SLC25A13: variants seen among roughly 807,000 people sequenced by gnomAD.
SLC25A13 encodes solute carrier family 25 member 13, also known as electrogenic aspartate/glutamate antiporter SLC25A13, mitochondrial.
In SLC25A13, 70 loss-of-function variants were observed where a neutral mutation model predicts 85.5. That is an observed-to-expected ratio of 0.82 (90% CI 0.68 to 1.00). The LOEUF (loss-of-function observed/expected upper bound fraction) is 1.00. Among genes scored for constraint, SLC25A13 ranks in the 50% least tolerant of loss-of-function variants. SLC25A13 has a pLI of 0.00. For missense variants in SLC25A13, 765 were observed against 819.8 expected (o/e 0.93, Z 0.82); for synonymous variants, 259 against 288.7 (o/e 0.90, Z 1.04).
chr7:96,221,985 G>A (rs2116764810), intron 4 of SLC25A13, among the ~76,000 whole-genome samples: 1 of 152,294 alleles, frequency 6.6e-6, no homozygotes, highest in South Asian at 2.1e-4. Context: ...TGTTTAGTGG[G>A]AGAGACACAA....
chr7:96,244,302 G>T (rs1444021417), intron 3 of SLC25A13, among the ~76,000 whole-genome samples: 1 of 152,192 alleles, frequency 6.6e-6, no homozygotes, highest in Non-Finnish European at 1.5e-5. Context: ...CAGTTAGGCA[G>T]ATGAAGAGGA....
At chr7:96,299,329 TCAAAA>T (rs1366979538) in intron 1 of SLC25A13, among the ~76,000 whole-genome samples, 2 of 152,122 alleles carry the variant, frequency 1.3e-5, no homozygotes, top group African/African-American at 4.8e-5. Context: ...AGAACACAAA[TCAAAA>T]CAAAGACAGA....
chr7:96,248,687 A>C (rs1039118087), intron 3 of SLC25A13, among the ~76,000 whole-genome samples: 1 of 152,170 alleles, frequency 6.6e-6, no homozygotes, highest in East Asian at 1.9e-4. Flanking sequence ...AGCAGGAAAA[A>C]AATTATTTGG....
At chr7:96,190,996 G>A (rs1439333465) in intron 7 of SLC25A13, 113 bp downstream of exon 7, 10 of 1,239,968 alleles carry the variant, frequency 8.1e-6, no homozygotes, top group Non-Finnish European at 1.2e-5. Flanking sequence ...TTATCATATA[G>A]TTAATATGTG....
At chr7:96,181,566 C>A (rs1562821047) in intron 11 of SLC25A13, among the ~76,000 whole-genome samples, 1 of 152,162 alleles carries the variant, frequency 6.6e-6, no homozygotes, top group South Asian at 2.1e-4. Flanking sequence ...TACAAAAACA[C>A]CTTCTTTGAG....
At chr7:96,319,881 T>C (rs942810428) in intron 1 of SLC25A13, among the ~76,000 whole-genome samples, 5 of 152,198 alleles carry the variant, frequency 3.3e-5, no homozygotes, top group African/African-American at 1.2e-4. Context: ...GAACATTTCA[T>C]TTTCCCTGAC....
chr7:96,223,896 T>C (rs1380317623), intron 4 of SLC25A13, among the ~76,000 whole-genome samples: 1 of 151,464 alleles, frequency 6.6e-6, no homozygotes, highest in Non-Finnish European at 1.5e-5. Flanking sequence ...TAAGTAGGAA[T>C]AGGTAATGTC....
In SLC25A13 at chr7:96,140,403, T is replaced by G. The variant is rs1276528403; in HGVS notation, c.1452+6153A>C. ...TTCTACCACCAAGGATCTCCTTTTT[T>G]TTTTTTTTTTTTTTTTTTTGAGACG... On this transcript the variant is annotated intron_variant, in intron 14 of 17. Coordinates refer to ENST00000265631, the MANE Select transcript of SLC25A13 (RefSeq NM_014251.3). Among the ~76,000 whole-genome samples, 522 of 134,130 alleles carry G rather than the reference T, an allele frequency of 3.9e-3. 2 individuals carry two copies. Among genetic ancestry groups the G allele is most frequent in the African/African-American group, 0.014 (496 of 35,374 alleles). 88.0% of individuals were successfully genotyped at this position (134,130 alleles called of 152,430 possible).
intron 2 of SLC25A13, among the ~76,000 whole-genome samples, chr7:96,278,492 G>A (rs1196013829): frequency 6.6e-6 from 1 of 152,150 alleles, no homozygotes; most frequent in Non-Finnish European, 1.5e-5. Context: ...GGCATCCCAC[G>A]GGTCTGGACT....
chr7:96,190,976 A>G, intron 7 of SLC25A13, 133 bp downstream of exon 7: 1 of 1,151,570 alleles, frequency 8.7e-7, no homozygotes, highest in Non-Finnish European at 1.3e-6. Flanking sequence ...CAAAGGATGA[A>G]AAACACACGT....
rs184215380 is a variant in SLC25A13 at position 96,295,305 on chromosome 7, C to T, written c.69+1593G>A. The stretch of plus-strand genomic sequence containing the variant: ...TGGAGGTTGCAGTGAGCTGAGAAAG[C>T]GCCATTGCACTCCAGCCTGGGCAAC... On this transcript the variant is annotated intron_variant, in intron 2 of 17. Coordinates refer to ENST00000265631, the MANE Select transcript of SLC25A13 (RefSeq NM_014251.3). Among the ~76,000 whole-genome samples, 37 of 152,242 alleles carry T rather than the reference C, an allele frequency of 2.4e-4. No homozygotes were observed. The East Asian group carries it at 5.0e-3, about 21-fold the overall frequency.
intron 2 of SLC25A13, 58 bp from the exon 3 acceptor site, chr7:96,277,396 C>T (rs1477851202): frequency 2.7e-6 from 4 of 1,498,230 alleles, no homozygotes; most frequent in Non-Finnish European, 3.7e-6. Flanking sequence ...AGTATATAAT[C>T]ATGAGAGTGA....
chr7:96,237,263 T>G (rs1342003457), intron 3 of SLC25A13, among the ~76,000 whole-genome samples: 1 of 152,184 alleles, frequency 6.6e-6, no homozygotes, highest in Non-Finnish European at 1.5e-5. Flanking sequence ...TTCCATTTTG[T>G]GCAGGCAAAT....
chr7:96,151,716 G>C (rs1055561069), intron 13 of SLC25A13, among the ~76,000 whole-genome samples: 4 of 152,174 alleles, frequency 2.6e-5, no homozygotes, highest in Admixed American at 2.0e-4. Flanking sequence ...GTCAAGGCAG[G>C]TGGATCACCT....
At chr7:96,200,494 TAG>T (rs1206461378) in intron 5 of SLC25A13, among the ~76,000 whole-genome samples, 3 of 152,096 alleles carry the variant, frequency 2.0e-5, no homozygotes, top group Non-Finnish European at 2.9e-5. Context: ...ATAAAATAGG[TAG>T]AGAGATAAGT....
At chr7:96,193,915 G>A (rs966113063) in intron 5 of SLC25A13, among the ~76,000 whole-genome samples, 3 of 152,202 alleles carry the variant, frequency 2.0e-5, no homozygotes, top group Non-Finnish European at 4.4e-5. Flanking sequence ...CATTGCATAT[G>A]TTTAATTAAA....
At chr7:96,316,785 T>C (rs1292153721) in intron 1 of SLC25A13, among the ~76,000 whole-genome samples, 1 of 152,120 alleles carries the variant, frequency 6.6e-6, no homozygotes, top group South Asian at 2.1e-4. Context: ...AATAAAAGTC[T>C]GGTTTACACT....
intron 14 of SLC25A13, among the ~76,000 whole-genome samples, chr7:96,143,200 G>A (rs1486461862): frequency 6.6e-6 from 1 of 152,184 alleles, no homozygotes; most frequent in Non-Finnish European, 1.5e-5. Flanking sequence ...AATTAGCTGT[G>A]CTGCCATTTA....
At chr7:96,214,105 C>T (rs1795797149) in intron 4 of SLC25A13, among the ~76,000 whole-genome samples, 1 of 152,110 alleles carries the variant, frequency 6.6e-6, no homozygotes, top group African/African-American at 2.4e-5. Context: ...CAAAAGTTTC[C>T]ATCTTAAAAG....
Sources: allele counts gnomAD v4.1 joint callset (sites outside exome capture counted in the v4.1 genomes callset), GRCh38; gene constraint gnomAD v4.1.1; transcripts MANE v1.5; gene names NCBI Gene and HGNC (gene_info 2026-07-23, HGNC 2026-07-21).